Variants in SAMMSON observed in about 807,000 individuals in gnomAD.
The protein encoded by SAMMSON is survival associated mitochondrial melanoma specific oncogenic non-coding RNA.
intron 4 of SAMMSON, among the ~76,000 whole-genome samples, chr3:70,100,356 C>T (rs907098520): frequency 6.6e-6 from 1 of 152,156 alleles, no homozygotes; most frequent in Non-Finnish European, 1.5e-5. Flanking sequence ...CTGTGTTGCT[C>T]AGGCTGGTCT....
At chr3:70,165,870 C>A (rs145507247) in intron 4 of SAMMSON, among the ~76,000 whole-genome samples, 86 of 152,112 alleles carry the variant, frequency 5.7e-4, no homozygotes, top group African/African-American at 1.6e-3. Context: ...TGCCATCCAG[C>A]TCTCTGGATA....
At chr3:70,422,762 T>TA (rs1358525059) in intron 2 of SAMMSON, among the ~76,000 whole-genome samples, 3 of 151,352 alleles carry the variant, frequency 2.0e-5, no homozygotes, top group South Asian at 4.2e-4. Flanking sequence ...CCCATATAAA[T>TA]AAAAAAAAGC....
At chr3:70,163,104 C>T (rs1407710129) in intron 4 of SAMMSON, among the ~76,000 whole-genome samples, 1 of 151,268 alleles carries the variant, frequency 6.6e-6, no homozygotes, top group Non-Finnish European at 1.5e-5. Flanking sequence ...GTCTGACAAC[C>T]TCTATCTTTT....
At chr3:70,115,210 CAAAAAAA>C (rs11456109) in intron 4 of SAMMSON, among the ~76,000 whole-genome samples, 1 of 117,536 alleles carries the variant, frequency 8.5e-6, no homozygotes. Flanking sequence ...CTCTATTTTC[CAAAAAAA>C]AAAAAAAAAG....
At chr3:70,048,849 A>T (rs1469496120) in intron 3 of SAMMSON, among the ~76,000 whole-genome samples, 1 of 152,096 alleles carries the variant, frequency 6.6e-6, no homozygotes, top group Non-Finnish European at 1.5e-5. Flanking sequence ...GTTAAACCCT[A>T]CATCTACAAC....
chr3:70,143,323 CTT>C (rs1459763818), intron 4 of SAMMSON, among the ~76,000 whole-genome samples: 2 of 150,996 alleles, frequency 1.3e-5, no homozygotes, highest in African/African-American at 2.4e-5. Context: ...ATACACGAGA[CTT>C]ATAACTATTT....
At chr3:70,256,156 T>C (rs1701813789) in intron 6 of SAMMSON, among the ~76,000 whole-genome samples, 1 of 152,236 alleles carries the variant, frequency 6.6e-6, no homozygotes, top group Non-Finnish European at 1.5e-5. Context: ...TGGTTACGAA[T>C]GACTCTTTAA....
intron 4 of SAMMSON, among the ~76,000 whole-genome samples, chr3:70,214,883 A>G (rs149083292): frequency 6.6e-6 from 1 of 152,214 alleles, no homozygotes; most frequent in African/African-American, 2.4e-5. Context: ...ATGTTATCTG[A>G]GAAAAAAATA....
chr3:70,418,919 T>TCTTTACTTTCCTTTCCTTTC lies in SAMMSON; in HGVS notation n.234-43637_234-43636insACTTTCCTTTCCTTTCCTTT, dbSNP rs1701285726. 4.7e-5 allele frequency among the ~76,000 whole-genome samples: 4 copies of TCTTTACTTTCCTTTCCTTTC among 85,120 alleles called. No individual in the cohort carries two copies. In the Admixed American group the frequency reaches 5.6e-4, roughly 12 times the overall value. 55.8% of individuals were successfully genotyped at this position (85,120 alleles called of 152,430 possible). Reference sequence around the variant, plus strand: ...AAATCCAAGGGTTTGATGTTTGCTTTCTTTCCTTTCCTTTCCTTTCCTTTC... The same window carrying TCTTTACTTTCCTTTCCTTTC: ...AAATCCAAGGGTTTGATGTTTGCTTTCTTTACTTTCCTTTCCTTTCCTTTCCTTTCCTTTCCTTTCCTTTC... On this transcript the variant is annotated intron_variant and non_coding_transcript_variant, in intron 2 of 3. Coordinates refer to the SAMMSON transcript ENST00000641053.
intron 6 of SAMMSON, among the ~76,000 whole-genome samples, chr3:70,279,415 C>T (rs956610849): frequency 6.6e-6 from 1 of 152,046 alleles, no homozygotes; most frequent in Non-Finnish European, 1.5e-5. Context: ...GTCAGAAAGA[C>T]CTCTGGACTT....
At chr3:70,422,353 T>C (rs1701320058) in intron 2 of SAMMSON, among the ~76,000 whole-genome samples, 1 of 152,082 alleles carries the variant, frequency 6.6e-6, no homozygotes, top group East Asian at 1.9e-4. Flanking sequence ...TTATGTTTAT[T>C]AACTAACGTA....
intron 3 of SAMMSON, among the ~76,000 whole-genome samples, chr3:70,020,369 C>T (rs1341555781): frequency 6.6e-6 from 1 of 152,060 alleles, no homozygotes; most frequent in Non-Finnish European, 1.5e-5. Flanking sequence ...AATTTTTGAC[C>T]TCTCCTAGGA....
chr3:70,046,578 T>C (rs2067127838), intron 3 of SAMMSON, among the ~76,000 whole-genome samples: 1 of 152,184 alleles, frequency 6.6e-6, no homozygotes, highest in African/African-American at 2.4e-5. Context: ...TGAAAATCAG[T>C]ATTTTTATTA....
chr3:70,190,887 T>C (rs776651864), intron 4 of SAMMSON, among the ~76,000 whole-genome samples: 1 of 152,158 alleles, frequency 6.6e-6, no homozygotes, highest in African/African-American at 2.4e-5. Flanking sequence ...TTGGCAATTA[T>C]AGGATCACAG....
intron 7 of SAMMSON, among the ~76,000 whole-genome samples, chr3:70,324,276 A>T (rs543403205): frequency 1.5e-4 from 23 of 152,166 alleles, no homozygotes; most frequent in Admixed American, 5.9e-4. Flanking sequence ...TAGAGTGCCC[A>T]TTCACATTGC....
intron 6 of SAMMSON, among the ~76,000 whole-genome samples, chr3:70,289,755 G>A (rs1413834124): frequency 8.5e-5 from 13 of 152,134 alleles, no homozygotes; most frequent in South Asian, 2.1e-4. Context: ...GGGTTTGCTC[G>A]TTTCTTTTTA....
chr3:70,302,384 T>A (rs892259024), intron 7 of SAMMSON, among the ~76,000 whole-genome samples: 1 of 152,156 alleles, frequency 6.6e-6, no homozygotes, highest in African/African-American at 2.4e-5. Context: ...AAGTAAAGTA[T>A]CTCTTTGTAG....
chr3:70,192,938 G>A (rs899484950), intron 4 of SAMMSON, among the ~76,000 whole-genome samples: 9 of 152,022 alleles, frequency 5.9e-5, no homozygotes, highest in Non-Finnish European at 1.3e-4. Flanking sequence ...GGCGCGGGGG[G>A]TTGTGGCTGT....
intron 3 of SAMMSON, among the ~76,000 whole-genome samples, chr3:70,042,881 T>C (rs917331449): frequency 3.3e-5 from 5 of 152,148 alleles, no homozygotes; most frequent in Non-Finnish European, 5.9e-5. Flanking sequence ...TGTTGTGAGC[T>C]GTTATTACTA....
Sources: allele counts gnomAD v4.1 joint callset (sites outside exome capture counted in the v4.1 genomes callset), GRCh38; gene constraint gnomAD v4.1.1; transcripts MANE v1.5; gene names NCBI Gene and HGNC (gene_info 2026-07-23, HGNC 2026-07-21).